Variants in LRRFIP1 observed in about 807,000 individuals in gnomAD.
LRRFIP1 encodes leucine-rich repeat flightless-interacting protein 1.
In LRRFIP1, 62 loss-of-function variants were observed where a neutral mutation model predicts 104.4. The ratio of observed to expected loss-of-function variants is 0.59; its 90% CI spans 0.48 to 0.73. The LOEUF (loss-of-function observed/expected upper bound fraction) is 0.73, where lower values mean the gene tolerates loss of function less well. Ranked by LOEUF, LRRFIP1 falls within the 30% of genes least tolerant of loss-of-function variation. The probability of loss-of-function intolerance (pLI) is 0.00; values close to 1 mark genes in which losing one functional copy is unlikely to be tolerated. For missense variants in LRRFIP1, 796 were observed against 824.5 expected, an observed-to-expected ratio of 0.97 and a Z score of 0.42; for synonymous variants, 300 against 299.0, an observed-to-expected ratio of 1.00 and a Z score of -0.03.
At position 237,772,916 on chromosome 2, in the gene LRRFIP1, G is replaced by A. The variant is rs745315394; in HGVS notation, c.1678G>A (p.Glu560Lys). 6.2e-7 allele frequency: 1 copy of A among 1,613,862 alleles called. No homozygotes were observed. The highest frequency in any genetic ancestry group is 2.2e-5 in the East Asian group (1 of 44,880). Residue 560 changes from glutamate (E) to lysine (K), a missense_variant, in exon 22 of 24, where the codon GAG becomes AAG. Transcript: ENST00000308482. ...CCTCAAATTTAAACTTGCAAAATCT[G>A]AGCAAGAGATAACTGCATTAGAACA... The part of the protein sequence containing the change: ...SDLKFKLAKS[E>K]QEITALEQNV...
At chr2:237,742,558 A>G (rs920483334) in intron 11 of LRRFIP1, among the ~76,000 whole-genome samples, 13 of 152,262 alleles carry the variant, frequency 8.5e-5, no homozygotes, top group African/African-American at 3.1e-4. Flanking sequence ...CCTGGGAGAC[A>G]GAACTAAGCT....
intron 23 of LRRFIP1, among the ~76,000 whole-genome samples, chr2:237,776,060 G>A (rs770379129): frequency 7.9e-5 from 12 of 152,028 alleles, no homozygotes; most frequent in Non-Finnish European, 1.2e-4. Context: ...CACCTCCCAG[G>A]TTCAAGCCTC....
intron 1 of LRRFIP1, among the ~76,000 whole-genome samples, chr2:237,701,841 G>A (rs898099904): frequency 2.0e-5 from 3 of 152,320 alleles, no homozygotes; most frequent in South Asian, 2.1e-4. Flanking sequence ...TCTGTGGCTC[G>A]GGATGGGGAT....
Position 237,696,665 on chromosome 2 carries a change from T to TAGTC in LRRFIP1, c.97-11876_97-11873dup, listed in dbSNP as rs1253409750. Among the ~76,000 whole-genome samples the TAGTC allele has an allele frequency of 6.6e-5, 10 of 152,318 alleles. No homozygotes were observed. The East Asian group carries it at 1.7e-3, about 26-fold the overall frequency. ...CAGGGACTTTCCAAGCCCTCACAGC[T>TAGTC]AGTCAGCAGTGGAGCCAGTTCAGAC... On this transcript the variant is annotated intron_variant, in intron 1 of 23. Coordinates refer to ENST00000308482, the MANE Select transcript of LRRFIP1 (RefSeq NM_001137550.2).
At chr2:237,709,910 T>C (rs965130298) in intron 2 of LRRFIP1, among the ~76,000 whole-genome samples, 2 of 151,972 alleles carry the variant, frequency 1.3e-5, no homozygotes, top group Non-Finnish European at 2.9e-5. Flanking sequence ...TGGAGTACAG[T>C]GACATGATCT....
intron 19 of LRRFIP1, among the ~76,000 whole-genome samples, chr2:237,761,071 G>A (rs113869251): frequency 1.1e-4 from 16 of 152,300 alleles, no homozygotes; most frequent in African/African-American, 3.1e-4. Context: ...GTCAGGGTCC[G>A]TGACTTTTCA....
intron 6 of LRRFIP1, 195 bp downstream of exon 6, chr2:237,721,017 A>G (rs1421293171): frequency 1.8e-6 from 1 of 547,734 alleles, no homozygotes; most frequent in Non-Finnish European, 3.3e-6. Context: ...ATTTATATGC[A>G]TAGGCACGTT....
At chr2:237,675,487 G>A (rs1325771042) in intron 1 of LRRFIP1, among the ~76,000 whole-genome samples, 5 of 152,236 alleles carry the variant, frequency 3.3e-5, no homozygotes, top group East Asian at 1.9e-4. Flanking sequence ...CCTGCCAGGG[G>A]GATCCACTAT....
At chr2:237,635,720 G>A (rs2082984622) in intron 1 of LRRFIP1, among the ~76,000 whole-genome samples, 1 of 152,084 alleles carries the variant, frequency 6.6e-6, no homozygotes, top group Non-Finnish European at 1.5e-5. Flanking sequence ...AGCTATTTGG[G>A]AATCTGAGGC....
chr2:237,758,764 A>G lies in LRRFIP1; in HGVS notation c.1260A>G (p.Val420=), dbSNP rs770154529. 6.2e-7 allele frequency: 1 copy of G among 1,613,586 alleles called. No individual in the cohort carries two copies. The highest frequency in any genetic ancestry group is 2.2e-5 in the East Asian group (1 of 44,860). ...LERQKEFFDS[V]RSERDDLREE... is the part of the protein sequence containing the mutation. ...GGCAGAAAGAGTTCTTTGATTCCGT[A>G]AGGAGTGAACGGGATGATCTTAGAG... The change falls in exon 18 of 24, where the codon GTA becomes GTG. Residue 420 remains valine (V), a synonymous_variant. Coordinates refer to ENST00000308482, the MANE Select transcript of LRRFIP1 (RefSeq NM_001137550.2).
intron 1 of LRRFIP1, among the ~76,000 whole-genome samples, chr2:237,672,978 T>A (rs555872792): frequency 6.6e-6 from 1 of 152,324 alleles, no homozygotes; most frequent in South Asian, 2.1e-4. Flanking sequence ...TCTTTTACAA[T>A]ACGATGACCG....
chr2:237,747,163 G>T (rs2057984442), intron 11 of LRRFIP1, among the ~76,000 whole-genome samples: 1 of 152,226 alleles, frequency 6.6e-6, no homozygotes, highest in Non-Finnish European at 1.5e-5. Flanking sequence ...GCTAAGAGCT[G>T]GTCTTGGATT....
At chr2:237,719,455 G>C (rs1469573246) in intron 4 of LRRFIP1, 68 bp from the exon 5 acceptor site, 5 of 1,127,818 alleles carry the variant, frequency 4.4e-6, no homozygotes, top group Non-Finnish European at 2.7e-6. Flanking sequence ...GACTACCTAA[G>C]CTTTTTTAAA....
At chr2:237,729,744 T>A (rs1369987759) in intron 8 of LRRFIP1, 2 of 971,646 alleles carry the variant, frequency 2.1e-6, no homozygotes, top group East Asian at 1.1e-4. Context: ...AAGGAAGTGC[T>A]TGTCACTTAA....
chr2:237,702,126 G>A (rs2093569159), intron 1 of LRRFIP1, among the ~76,000 whole-genome samples: 1 of 152,134 alleles, frequency 6.6e-6, no homozygotes, highest in South Asian at 2.1e-4. Flanking sequence ...GAGGCCCTGG[G>A]GGTCATACTT....
Position 237,760,932 on chromosome 2 carries a change from A to G in LRRFIP1, c.1459+727A>G, listed in dbSNP as rs55720048. On this transcript the variant is annotated intron_variant, in intron 19 of 23. Transcript: ENST00000308482. Reference sequence around the variant, plus strand: ...ATGATCTGATTTGTCATAATTTGTCATAAGAGTTGGCTTTGGGAGAAACCT... The same window carrying G: ...ATGATCTGATTTGTCATAATTTGTCGTAAGAGTTGGCTTTGGGAGAAACCT... Among the ~76,000 whole-genome samples, 263 of 152,326 alleles carry G rather than the reference A, an allele frequency of 1.7e-3. 1 individual carries two copies. The highest frequency in any genetic ancestry group is 3.4e-3 in the Middle Eastern group (1 of 294).
At chr2:237,721,476 A>G (rs2094534701) in intron 6 of LRRFIP1, 2 of 152,250 alleles carry the variant, frequency 1.3e-5, no homozygotes, top group South Asian at 2.1e-4. Context: ...GTAAAATAGA[A>G]AAACTATGTT....
chr2:237,683,656 A>G (rs867840174), intron 1 of LRRFIP1, among the ~76,000 whole-genome samples: 9 of 152,204 alleles, frequency 5.9e-5, no homozygotes, highest in Non-Finnish European at 8.8e-5. Context: ...GTGTGGGTCT[A>G]TGTTTTTAGT....
intron 1 of LRRFIP1, among the ~76,000 whole-genome samples, chr2:237,659,902 G>T (rs1434963423): frequency 6.6e-6 from 1 of 152,138 alleles, no homozygotes; most frequent in East Asian, 1.9e-4. Flanking sequence ...GCCTCCCAAA[G>T]TGTTGGTATT....
Sources: allele counts gnomAD v4.1 joint callset (sites outside exome capture counted in the v4.1 genomes callset), GRCh38; gene constraint gnomAD v4.1.1; transcripts MANE v1.5; gene names NCBI Gene and HGNC (gene_info 2026-07-23, HGNC 2026-07-21).